The following STAG1 variants were observed in gnomAD, a reference collection of about 807,000 sequenced individuals.
STAG1 encodes the protein cohesin subunit SA-1.
STAG1 carries 26 observed loss-of-function variants against 170.9 expected under a neutral mutation model. The ratio of observed to expected loss-of-function variants is 0.15; its 90% CI spans 0.11 to 0.21. STAG1 has a LOEUF of 0.21. Among genes scored for constraint, STAG1 ranks in the 10% least tolerant of loss-of-function variants. STAG1 has a pLI of 1.00. For missense variants in STAG1, 964 were observed against 1,509.5 expected (o/e 0.64, Z 5.99); for synonymous variants, 514 against 497.7 (o/e 1.03, Z -0.44).
At chr3:136,458,146 CTGTTT>C (rs540926780) in intron 13 of STAG1, among the ~76,000 whole-genome samples, 9 of 150,828 alleles carry the variant, frequency 6.0e-5, no homozygotes, top group African/African-American at 1.2e-4. Flanking sequence ...TGTTTTTTTT[CTGTTT>C]TGTTTGTTTG....
chr3:136,528,492 G>GCCC (rs763709959), intron 6 of STAG1, among the ~76,000 whole-genome samples: 95 of 22,088 alleles, frequency 4.3e-3, no homozygotes, highest in Middle Eastern at 0.028. Context: ...AGATGTCCCC[G>GCCC]CACCCCCCCC....
chr3:136,436,236 A>C (rs1179600376), intron 15 of STAG1, among the ~76,000 whole-genome samples: 1 of 151,718 alleles, frequency 6.6e-6, no homozygotes, highest in Non-Finnish European at 1.5e-5. Context: ...GATTCCAAGC[A>C]TGAGCCACCA....
intron 1 of STAG1, among the ~76,000 whole-genome samples, chr3:136,643,786 G>A (rs1940888906): frequency 6.6e-6 from 1 of 152,134 alleles, no homozygotes; most frequent in Non-Finnish European, 1.5e-5. Context: ...TGGGATTATA[G>A]GTATGAGCCA....
intron 22 of STAG1, among the ~76,000 whole-genome samples, chr3:136,380,884 G>A (rs555904928): frequency 1.3e-5 from 2 of 151,914 alleles, no homozygotes; most frequent in African/African-American, 4.8e-5. Flanking sequence ...GCCGGGCGTG[G>A]TGGTGGGTGC....
At chr3:136,549,436 G>C (rs887619056) in intron 5 of STAG1, among the ~76,000 whole-genome samples, 1 of 151,846 alleles carries the variant, frequency 6.6e-6, no homozygotes, top group East Asian at 1.9e-4. Flanking sequence ...TCAGCCTCCT[G>C]AGTAGCTGGG....
chr3:136,696,583 A>T (rs1019385957), intron 1 of STAG1, among the ~76,000 whole-genome samples: 1 of 152,106 alleles, frequency 6.6e-6, no homozygotes, highest in Non-Finnish European at 1.5e-5. Context: ...CAAATGTACC[A>T]ATCTGCTGAC....
chr3:136,583,512 G>A (rs532122376), intron 4 of STAG1, among the ~76,000 whole-genome samples: 2 of 152,190 alleles, frequency 1.3e-5, no homozygotes, highest in African/African-American at 4.8e-5. Context: ...AATAAGGGCC[G>A]GTGCAGTAGC....
intron 5 of STAG1, among the ~76,000 whole-genome samples, chr3:136,542,473 T>G (rs895139856): frequency 3.3e-5 from 5 of 152,118 alleles, no homozygotes; most frequent in Admixed American, 1.3e-4. Flanking sequence ...CTAGATAGTT[T>G]AAATTACGTT....
At chr3:136,354,322 G>A (rs371240495) in intron 28 of STAG1, among the ~76,000 whole-genome samples, 5 of 152,132 alleles carry the variant, frequency 3.3e-5, no homozygotes, top group African/African-American at 9.7e-5. Flanking sequence ...AGGCGGAATC[G>A]CACTCTATCG....
At chr3:136,652,653 C>A (rs1358053311) in intron 1 of STAG1, among the ~76,000 whole-genome samples, 2 of 152,152 alleles carry the variant, frequency 1.3e-5, no homozygotes, top group Non-Finnish European at 2.9e-5. Context: ...AATTATTAGA[C>A]TCAAGTTCCA....
intron 9 of STAG1, among the ~76,000 whole-genome samples, chr3:136,494,359 G>C (rs1421754753): frequency 6.6e-6 from 1 of 152,132 alleles, no homozygotes; most frequent in Non-Finnish European, 1.5e-5. Context: ...TTTACACAAA[G>C]AAAAGCCTGG....
At chr3:136,396,100 T>C (rs1295248466) in intron 22 of STAG1, among the ~76,000 whole-genome samples, 1 of 152,068 alleles carries the variant, frequency 6.6e-6, no homozygotes, top group Non-Finnish European at 1.5e-5. Flanking sequence ...CAGGGTTTCA[T>C]CACGTTAGCC....
Position 136,607,683 on chromosome 3 carries a change from G to A in STAG1, c.133-3210C>T, listed in dbSNP as rs190153648. ...CTCCCAAAGTGCTAGGATTACAGGC[G>A]TGAGCCACCGTGTCCGATGTAATTC... is the stretch of plus-strand genomic sequence containing the variant. On this transcript the variant is annotated intron_variant, in intron 3 of 33. Transcript: ENST00000383202. Among the ~76,000 whole-genome samples the A allele has an allele frequency of 2.0e-5, 3 of 152,312 alleles. No individual in the cohort carries two copies. In the East Asian group the frequency reaches 5.8e-4, roughly 29 times the overall value.
chr3:136,467,957 C>G (rs1022785262), intron 12 of STAG1, among the ~76,000 whole-genome samples: 2 of 152,094 alleles, frequency 1.3e-5, no homozygotes, highest in Non-Finnish European at 1.5e-5. Flanking sequence ...TTCTTTGAAA[C>G]CAATGAGAAC....
rs548826595 is a variant in STAG1, at chr3:136,660,311, C to CA, written c.-83-29331dup. On this transcript the variant is annotated intron_variant, in intron 1 of 33. Coordinates refer to ENST00000383202, the MANE Select transcript of STAG1 (RefSeq NM_005862.3). The stretch of plus-strand genomic sequence containing the variant: ...AAGAAAATTCAAAAACTTGTCTCTG[C>CA]AAAATAACATCAAAGCTGTTACTTT... 8.9e-3 allele frequency among the ~76,000 whole-genome samples: 1,348 copies of CA among 152,132 alleles called. 10 individuals carry two copies. Among genetic ancestry groups the CA allele is most frequent in the Admixed American group, 0.015 (223 of 15,288 alleles).
At chr3:136,625,346 T>A (rs757871952) in intron 2 of STAG1, among the ~76,000 whole-genome samples, 2 of 152,206 alleles carry the variant, frequency 1.3e-5, no homozygotes, top group African/African-American at 2.4e-5. Context: ...GTAACTTCTA[T>A]GCAAATGACT....
chr3:136,379,807 G>A (rs1160783627), intron 22 of STAG1, among the ~76,000 whole-genome samples: 1 of 152,156 alleles, frequency 6.6e-6, no homozygotes, highest in South Asian at 2.1e-4. Flanking sequence ...AAAAGCTAAA[G>A]AAGAATAAAA....
At chr3:136,674,184 AGGG>A (rs1942065860) in intron 1 of STAG1, among the ~76,000 whole-genome samples, 4 of 76,822 alleles carry the variant, frequency 5.2e-5, no homozygotes, top group Admixed American at 1.6e-4. Context: ...GGAGGGAGGG[AGGG>A]AGGGAAGGAG....
intron 10 of STAG1, among the ~76,000 whole-genome samples, chr3:136,474,522 C>G (rs1249390844): frequency 6.6e-6 from 1 of 152,126 alleles, no homozygotes; most frequent in Non-Finnish European, 1.5e-5. Context: ...CTGATTTGTT[C>G]TCTTTGCAGA....
Sources: gnomAD v4.1 joint callset for allele counts (sites outside exome capture counted in the v4.1 genomes callset) on GRCh38, gnomAD v4.1.1 for gene constraint, MANE v1.5 for transcripts, NCBI Gene and HGNC (gene_info 2026-07-23, HGNC 2026-07-21) for gene names.